Variants in LMNTD1 observed in about 807,000 individuals in gnomAD.
LMNTD1 encodes the protein lamin tail domain-containing protein 1.
LMNTD1 carries 35 observed loss-of-function variants against 50.9 expected under a neutral mutation model. The observed-to-expected ratio is 0.69, with a 90% CI of 0.53 to 0.91. The LOEUF (loss-of-function observed/expected upper bound fraction) is 0.91. Ranked by LOEUF, LMNTD1 falls within the 40% of genes least tolerant of loss-of-function variation. LMNTD1 has a pLI of 0.00. For missense variants in LMNTD1, 470 were observed against 475.5 expected, an observed-to-expected ratio of 0.99 and a Z score of 0.11; for synonymous variants, 153 against 161.9, an observed-to-expected ratio of 0.94 and a Z score of 0.42.
upstream of LMNTD1, among the ~76,000 whole-genome samples, chr12:25,554,606 T>G (rs1943954230): frequency 6.6e-6 from 1 of 152,182 alleles, no homozygotes; most frequent in African/African-American, 2.4e-5. Context: ...TGTAAGAGGA[T>G]GTTGATAGTA....
chr12:25,509,841 C>T (rs894698093), intron 8 of LMNTD1, among the ~76,000 whole-genome samples: 13 of 152,008 alleles, frequency 8.6e-5, no homozygotes, highest in African/African-American at 2.9e-4. Context: ...CAAGGAATGC[C>T]GGCAATGACT....
At chr12:25,527,675 T>C (rs372135950) in intron 4 of LMNTD1, among the ~76,000 whole-genome samples, 754 of 21,624 alleles carry the variant, frequency 0.035, 3 homozygotes, top group Middle Eastern at 0.062. Context: ...TATATATATA[T>C]ATATATACAC....
chr12:25,602,149 C>T (rs1228047801), intron 1 of LMNTD1, among the ~76,000 whole-genome samples: 1 of 151,682 alleles, frequency 6.6e-6, no homozygotes, highest in African/African-American at 2.4e-5. Flanking sequence ...ACTGACTGGG[C>T]CATAATTTAG....
intron 8 of LMNTD1, among the ~76,000 whole-genome samples, chr12:25,518,569 C>A (rs1048075718): frequency 6.6e-6 from 1 of 152,088 alleles, no homozygotes; most frequent in African/African-American, 2.4e-5. Flanking sequence ...TTGATTCATT[C>A]AACAGATATT....
intron 1 of LMNTD1, among the ~76,000 whole-genome samples, chr12:25,646,035 G>A (rs958333736): frequency 3.3e-5 from 5 of 152,090 alleles, no homozygotes; most frequent in Non-Finnish European, 7.4e-5. Flanking sequence ...TTATTGCATT[G>A]TATCTAATAA....
At chr12:25,589,197 G>T (rs546417131) in intron 1 of LMNTD1, among the ~76,000 whole-genome samples, 2 of 151,972 alleles carry the variant, frequency 1.3e-5, no homozygotes, top group African/African-American at 4.8e-5. Context: ...GTTGGAAAAA[G>T]AATAAAATGT....
chr12:25,492,832 A>T (rs1938930487), intron 9 of LMNTD1, among the ~76,000 whole-genome samples: 1 of 152,178 alleles, frequency 6.6e-6, no homozygotes, highest in Non-Finnish European at 1.5e-5. Context: ...TCTATAACTT[A>T]TGGGAGCATG....
rs1002383183 is a variant in LMNTD1, at chr12:25,498,709, C to A, written c.*22+5029G>T. On this transcript the variant is annotated intron_variant, in intron 9 of 9. Coordinates refer to ENST00000458174, the MANE Select transcript of LMNTD1 (RefSeq NM_001145728.2). Reference sequence around the variant, plus strand: ...GAAAACAAATACTTTAACTTGTCCACTAACTCTAGCTTTTTCTTTCAGAAA... The same window carrying A: ...GAAAACAAATACTTTAACTTGTCCAATAACTCTAGCTTTTTCTTTCAGAAA... Among the ~76,000 whole-genome samples the A allele has an allele frequency of 5.9e-5, 9 of 152,300 alleles. No homozygotes were observed. In the East Asian group the frequency reaches 1.7e-3, roughly 29 times the overall value.
rs540309072 is a variant in LMNTD1 at position 25,492,913 on chromosome 12, T to A, written c.*22+10825A>T. 7.9e-5 allele frequency among the ~76,000 whole-genome samples: 12 copies of A among 152,326 alleles called. No individual in the cohort carries two copies. The South Asian group carries it at 2.5e-3, about 32-fold the overall frequency. On this transcript the variant is annotated intron_variant, in intron 9 of 9. Transcript: ENST00000458174. ...TGGACTCATCTCCTTGTTCCTTCTT[T>A]TATTCCATATTCTAAACGTACCAAC...
intron 1 of LMNTD1, among the ~76,000 whole-genome samples, chr12:25,584,931 C>G (rs1174133754): frequency 6.6e-6 from 1 of 152,182 alleles, no homozygotes; most frequent in Non-Finnish European, 1.5e-5. Context: ...TATTTTCAAA[C>G]TTTCTTTGCA....
intron 9 of LMNTD1, among the ~76,000 whole-genome samples, chr12:25,500,659 T>C (rs1939334121): frequency 6.6e-6 from 1 of 152,212 alleles, no homozygotes; most frequent in African/African-American, 2.4e-5. Flanking sequence ...TCTTCCATTT[T>C]TATACTTTTT....
At chr12:25,567,440 T>C (rs1241927647) in intron 1 of LMNTD1, among the ~76,000 whole-genome samples, 1 of 152,250 alleles carries the variant, frequency 6.6e-6, no homozygotes, top group Non-Finnish European at 1.5e-5. Context: ...CCTATATGTG[T>C]TAAATACTTT....
chr12:25,579,869 C>A (rs1021840807), intron 1 of LMNTD1, among the ~76,000 whole-genome samples: 4 of 152,124 alleles, frequency 2.6e-5, no homozygotes, highest in Non-Finnish European at 5.9e-5. Flanking sequence ...ACCCAGCGAG[C>A]CTCTGAGCAG....
chr12:25,514,211 A>C (rs1272754522), intron 8 of LMNTD1, among the ~76,000 whole-genome samples: 1 of 152,214 alleles, frequency 6.6e-6, no homozygotes, highest in Non-Finnish European at 1.5e-5. Flanking sequence ...TAGGGAGCAC[A>C]GACCCAGACC....
chr12:25,569,676 C>T (rs1944705525), intron 1 of LMNTD1, among the ~76,000 whole-genome samples: 1 of 152,110 alleles, frequency 6.6e-6, no homozygotes, highest in Non-Finnish European at 1.5e-5. Flanking sequence ...GTGATAAGTT[C>T]TCATTCAGTT....
upstream of LMNTD1, chr12:25,553,340 TA>T (rs1943886558): frequency 2.9e-6 from 3 of 1,036,548 alleles, no homozygotes; most frequent in African/African-American, 4.9e-5. Context: ...GTCTCCATAG[TA>T]ACCAAGTTCC....
chr12:25,640,882 T>C (rs1359797965), intron 1 of LMNTD1, among the ~76,000 whole-genome samples: 1 of 152,176 alleles, frequency 6.6e-6, no homozygotes, highest in African/African-American at 2.4e-5. Context: ...TTAGCCAGGA[T>C]GGTCTCGATC....
chr12:25,604,790 C>T (rs1946058866), intron 1 of LMNTD1, among the ~76,000 whole-genome samples: 1 of 152,044 alleles, frequency 6.6e-6, no homozygotes, highest in South Asian at 2.1e-4. Context: ...CTATTGTGAA[C>T]AGCGCTGCAA....
At chr12:25,599,470 G>T (rs551013699) in intron 1 of LMNTD1, among the ~76,000 whole-genome samples, 2 of 152,114 alleles carry the variant, frequency 1.3e-5, no homozygotes, top group South Asian at 4.1e-4. Context: ...ATAAGAGAAA[G>T]AAATGAAGGG....
Sources: allele counts gnomAD v4.1 joint callset (sites outside exome capture counted in the v4.1 genomes callset), GRCh38; gene constraint gnomAD v4.1.1; transcripts MANE v1.5; gene names NCBI Gene and HGNC (gene_info 2026-07-23, HGNC 2026-07-21).